The following AGBL4 variants were observed in gnomAD, a reference collection of about 807,000 sequenced individuals.
The protein encoded by AGBL4 is cytosolic carboxypeptidase 6.
A neutral mutation model predicts 66.4 loss-of-function variants in AGBL4; 58 were observed. The observed-to-expected ratio is 0.87, with a 90% CI of 0.71 to 1.09. The LOEUF is 1.09. Ranked by LOEUF, AGBL4 falls within the 50% of genes least tolerant of loss-of-function variation. The probability of loss-of-function intolerance (pLI) is 0.00; values close to 1 mark genes in which losing one functional copy is unlikely to be tolerated. For synonymous variants in AGBL4, 234 were observed against 222.9 expected, an observed-to-expected ratio of 1.05 and a Z score of -0.44; for missense variants, 579 against 631.0, an observed-to-expected ratio of 0.92 and a Z score of 0.88.
chr1:48,914,504 G>A (rs988953509), intron 5 of AGBL4, among the ~76,000 whole-genome samples: 1 of 152,162 alleles, frequency 6.6e-6, no homozygotes, highest in Non-Finnish European at 1.5e-5. Flanking sequence ...ACCTAGAGGG[G>A]ACATGGGGTT....
chr1:49,947,408 G>A (rs1374604524), intron 1 of AGBL4, among the ~76,000 whole-genome samples: 1 of 151,940 alleles, frequency 6.6e-6, no homozygotes, highest in Non-Finnish European at 1.5e-5. Flanking sequence ...GTCAATAAAT[G>A]TGATACACCA....
At chr1:48,877,066 C>T (rs1472446625) in intron 5 of AGBL4, among the ~76,000 whole-genome samples, 4 of 152,122 alleles carry the variant, frequency 2.6e-5, no homozygotes, top group Non-Finnish European at 4.4e-5. Flanking sequence ...ACTGAGGCCA[C>T]AGAAGGAAAG....
chr1:49,654,674 A>G (rs986564910), intron 3 of AGBL4, among the ~76,000 whole-genome samples: 1 of 152,176 alleles, frequency 6.6e-6, no homozygotes, highest in Non-Finnish European at 1.5e-5. Context: ...TTATCATTAT[A>G]TAATGGCCTT....
intron 11 of AGBL4, among the ~76,000 whole-genome samples, chr1:48,555,414 A>G (rs1644307110): frequency 6.6e-6 from 1 of 152,200 alleles, no homozygotes; most frequent in Admixed American, 6.5e-5. Context: ...AGGTAAAGAG[A>G]GTTGAATGGC....
chr1:49,461,937 C>A (rs2148699804), intron 3 of AGBL4, among the ~76,000 whole-genome samples: 1 of 151,842 alleles, frequency 6.6e-6, no homozygotes, highest in East Asian at 1.9e-4. Context: ...CATACATGTG[C>A]ATGTGTCTTT....
chr1:49,933,785 AGAAAAAGAGAAAGGAGT>A (rs1653622413), intron 1 of AGBL4, among the ~76,000 whole-genome samples: 1 of 152,128 alleles, frequency 6.6e-6, no homozygotes, highest in Non-Finnish European at 1.5e-5. Context: ...GACATAGAAA[AGAAAAAGAGAAAGGAGT>A]AAAAAACATT....
chr1:49,653,343 T>C (rs896413757), intron 3 of AGBL4, among the ~76,000 whole-genome samples: 1 of 151,896 alleles, frequency 6.6e-6, no homozygotes, highest in Non-Finnish European at 1.5e-5. Context: ...CAAAAGTAGA[T>C]AAACCCATGA....
chr1:49,521,697 A>G (rs917203166), intron 3 of AGBL4, among the ~76,000 whole-genome samples: 2 of 152,108 alleles, frequency 1.3e-5, no homozygotes, highest in African/African-American at 4.8e-5. Context: ...CCCCCAACCT[A>G]TAAAAATTCT....
At chr1:49,110,088 T>C (rs1207335242) in intron 4 of AGBL4, among the ~76,000 whole-genome samples, 13 of 152,234 alleles carry the variant, frequency 8.5e-5, no homozygotes, top group Admixed American at 7.2e-4. Flanking sequence ...CTACAATAAC[T>C]ATTTGAAATC....
chr1:48,536,982 A>G (rs1643982637), intron 12 of AGBL4, among the ~76,000 whole-genome samples: 1 of 152,230 alleles, frequency 6.6e-6, no homozygotes, highest in Admixed American at 6.5e-5. Flanking sequence ...GGCTTCTGCC[A>G]GCGTGTGAGC....
chr1:49,862,252 T>C (rs1028475512), intron 1 of AGBL4, among the ~76,000 whole-genome samples: 5 of 151,634 alleles, frequency 3.3e-5, no homozygotes, highest in Admixed American at 3.3e-4. Context: ...GCAATTGGCA[T>C]ACTGAAGAAT....
chr1:49,202,504 G>A (rs1472585768), intron 4 of AGBL4, among the ~76,000 whole-genome samples: 8 of 152,096 alleles, frequency 5.3e-5, no homozygotes, highest in Admixed American at 1.3e-4. Context: ...TGACAAGTGT[G>A]CCAAGTCTGC....
intron 6 of AGBL4, among the ~76,000 whole-genome samples, chr1:48,830,524 G>A (rs776886802): frequency 2.0e-5 from 3 of 152,190 alleles, no homozygotes; most frequent in Non-Finnish European, 4.4e-5. Context: ...CAATTCCCCC[G>A]ATTTTGTATC....
At chr1:49,074,110 C>T (rs1012003378) in intron 4 of AGBL4, among the ~76,000 whole-genome samples, 1 of 152,172 alleles carries the variant, frequency 6.6e-6, no homozygotes, top group African/African-American at 2.4e-5. Context: ...CATCCCAGGT[C>T]GATCTCAAGA....
intron 4 of AGBL4, among the ~76,000 whole-genome samples, chr1:49,244,066 T>A (rs981445610): frequency 6.6e-6 from 1 of 151,634 alleles, no homozygotes; most frequent in African/African-American, 2.4e-5. Context: ...ACATAGTTCA[T>A]GAGAAAAAAG....
chr1:48,729,644 A>G (rs1477524405), intron 6 of AGBL4, among the ~76,000 whole-genome samples: 1 of 152,088 alleles, frequency 6.6e-6, no homozygotes, highest in Non-Finnish European at 1.5e-5. Flanking sequence ...GGCAGAATCC[A>G]CTGCTACCTG....
intron 6 of AGBL4, among the ~76,000 whole-genome samples, chr1:48,816,070 T>TA (rs1325694053): frequency 4.0e-5 from 6 of 150,320 alleles, no homozygotes; most frequent in African/African-American, 9.8e-5. Context: ...TGTGTGTGTG[T>TA]GTGTGTGTGT....
At chr1:49,283,444 C>T (rs1355672431) in intron 3 of AGBL4, among the ~76,000 whole-genome samples, 2 of 152,150 alleles carry the variant, frequency 1.3e-5, no homozygotes, top group Non-Finnish European at 2.9e-5. Flanking sequence ...AAAAACGAAA[C>T]TCTAAAACGC....
At chr1:48,634,471 T>C (rs1470112621) in intron 9 of AGBL4, 22 bp downstream of exon 9, 4 of 1,548,144 alleles carry the variant, frequency 2.6e-6, no homozygotes, top group Admixed American at 3.7e-5. Flanking sequence ...TCAGCAGCTG[T>C]GGAGGGCATT....
Sources: gnomAD v4.1 joint callset for allele counts (sites outside exome capture counted in the v4.1 genomes callset) on GRCh38, gnomAD v4.1.1 for gene constraint, MANE v1.5 for transcripts, NCBI Gene and HGNC (gene_info 2026-07-23, HGNC 2026-07-21) for gene names.